Variants in KLK9 observed in about 807,000 individuals in gnomAD.
The protein encoded by KLK9 is kallikrein-9.
In KLK9, 26 loss-of-function variants were observed where a neutral mutation model predicts 23.3. That is an observed-to-expected ratio of 1.12 (90% CI 0.82 to 1.55). The LOEUF (loss-of-function observed/expected upper bound fraction) is 1.55, where lower values mean the gene tolerates loss of function less well. KLK9 is among the 40% of genes most tolerant of loss of function. The pLI is 0.00. For synonymous variants in KLK9, 122 were observed against 128.5 expected (o/e 0.95, Z 0.34); for missense variants, 346 against 333.7 (o/e 1.04, Z -0.29).
At chr19:51,007,112 G>T (rs1434432330) in intron 2 of KLK9, among the ~76,000 whole-genome samples, 1 of 151,914 alleles carries the variant, frequency 6.6e-6, no homozygotes, top group African/African-American at 2.4e-5. Context: ...TGCCCCCACA[G>T]GTCTGGTGGC....
In KLK9 at chr19:51,006,420, G is replaced by C; in HGVS notation, c.466+38C>G. 1 of 1,545,218 alleles carries C rather than the reference G, an allele frequency of 6.5e-7. No homozygotes were observed. The highest frequency in any genetic ancestry group is 1.4e-5 in the African/African-American group (1 of 73,310). On this transcript the variant is annotated intron_variant, in intron 3 of 4. Transcript: ENST00000594211. This position sits in a 1 kb window ranked among gnomAD's most constrained non-coding sequence, Gnocchi z 4.1. ...GAAAAGGCAGAGACAGAGGGGTGAG[G>C]GAGCAAGTTTCAGAGAGAGTTCTGG...
At position 51,002,643 on chromosome 19, in the gene KLK9, G is replaced by T. The variant is rs1402492653; in HGVS notation, c.*468C>A. On this transcript the variant is annotated 3_prime_UTR_variant, in exon 5 of 5. Transcript: ENST00000594211. ...CACACGCCCAGGACGGGGCCACAAG[G>T]GGCTGAGCTCTACACCGCCCGAGCT... The T allele has an allele frequency of 6.5e-6, 1 of 153,500 alleles. No homozygotes were observed. The highest frequency in any genetic ancestry group is 6.6e-5 in the Admixed American group (1 of 15,164). The allele number at this position is 153,500 out of a possible 1,614,324, so 9.5% of individuals were successfully genotyped here.
chr19:51,004,338 C>CAAAAAAAAAAAAAAAA (rs71333922), intron 3 of KLK9, among the ~76,000 whole-genome samples: 1 of 32,558 alleles, frequency 3.1e-5, no homozygotes, highest in Non-Finnish European at 5.6e-5. Context: ...GACTCCGTCT[C>CAAAAAAAAAAAAAAAA]AAAAAAAAAA....
chr19:51,008,537 TAA>T (rs1446180695), intron 2 of KLK9, among the ~76,000 whole-genome samples: 2 of 152,116 alleles, frequency 1.3e-5, no homozygotes, highest in Non-Finnish European at 2.9e-5. Flanking sequence ...GCTCTGAATT[TAA>T]GATTCTAGGA....
chr19:51,004,913 C>T (rs1485647514), intron 3 of KLK9, among the ~76,000 whole-genome samples: 2 of 151,936 alleles, frequency 1.3e-5, no homozygotes, highest in African/African-American at 2.4e-5. Flanking sequence ...GTGCAGGCTC[C>T]GATGCATCAA....
In KLK9 at chr19:51,003,219, T is replaced by C. The variant is rs764434891; in HGVS notation, c.645A>G (p.Ala215=). Residue 215 remains alanine, a synonymous_variant, in exon 5 of 5, where the codon GCA becomes GCG. Coordinates refer to ENST00000594211, the MANE Select transcript of KLK9 (RefSeq NM_012315.2). ...GGPLVCNGTL[A]GVVSGGAEPC... is the part of the protein sequence containing the mutation. ...GCTCAGCACCCCCAGACACCACGCC[T>C]GCCAAGGTTCCATTGCAAACCAGGG... The C allele has an allele frequency of 6.2e-7, 1 of 1,612,918 alleles. No individual in the cohort carries two copies. The highest frequency in any genetic ancestry group is 8.5e-7 in the Non-Finnish European group (1 of 1,179,666).
intron 3 of KLK9, among the ~76,000 whole-genome samples, chr19:51,004,674 C>T (rs2091248979): frequency 6.7e-6 from 1 of 149,042 alleles, no homozygotes; most frequent in Non-Finnish European, 1.5e-5. Flanking sequence ...GCACTCCAGC[C>T]TGGGCAACAA....
At chr19:51,007,605 C>A (rs193095498) in intron 2 of KLK9, among the ~76,000 whole-genome samples, 12 of 151,968 alleles carry the variant, frequency 7.9e-5, no homozygotes, top group Non-Finnish European at 1.5e-4. Context: ...GCTTCACTTT[C>A]GGCTGAAATC....
rs886159548 is a variant in KLK9 at position 51,009,499 on chromosome 19, C to A, written c.43+6G>T. 1.9e-6 allele frequency: 3 copies of A among 1,607,594 alleles called. No individual in the cohort carries two copies. Among genetic ancestry groups the A allele is most frequent in the African/African-American group, 2.7e-5 (2 of 74,768 alleles). On this transcript the variant is annotated splice_donor_region_variant and intron_variant, in intron 1 of 4. Transcript: ENST00000594211. This position sits in a 1 kb window ranked among gnomAD's most constrained non-coding sequence, Gnocchi z 4.8. ...CGTGAAGGGGCAGCCAGCCTGGGAG[C>A]CTCACCTGCCAGCAGAGAGAGCAGA...
intron 3 of KLK9, among the ~76,000 whole-genome samples, chr19:51,004,651 A>T (rs1227917477): frequency 1.3e-5 from 2 of 149,916 alleles, no homozygotes; most frequent in Non-Finnish European, 3.0e-5. Context: ...CAGTGAGCCG[A>T]GATCACACCA....
chr19:51,004,931 GA>G (rs1052175127), intron 3 of KLK9, among the ~76,000 whole-genome samples: 47 of 152,296 alleles, frequency 3.1e-4, no homozygotes, highest in African/African-American at 9.6e-4. Flanking sequence ...CAAGGGATAT[GA>G]TAAACAGAAT....
intron 3 of KLK9, among the ~76,000 whole-genome samples, chr19:51,005,502 A>T (rs1386798745): frequency 6.6e-6 from 1 of 152,158 alleles, no homozygotes; most frequent in African/African-American, 2.4e-5. Context: ...TTATTCATGG[A>T]GGGAAGAAAA....
At position 51,009,319 on chromosome 19, in the gene KLK9, G is replaced by T. The variant is rs114957460; in HGVS notation, c.64C>A (p.Arg22Ser). Residue 22 changes from arginine (R) to serine (S), a missense_variant, in exon 2 of 5, where the codon CGT (arginine) becomes AGT (serine). Arg to Ser is a moderately radical substitution (Grantham distance 110, BLOSUM62 -1). Coordinates refer to ENST00000594211, the MANE Select transcript of KLK9 (RefSeq NM_012315.2). The surrounding 1 kb of genome is among the most constrained non-coding windows in gnomAD (Gnocchi z 4.8). ...LLAGHGWADT[R>S]AIGAEECRPN... Reference sequence around the variant, plus strand: ...CGACATTCCTCGGCCCCGATGGCACGGGTGTCTGCCCAGCCATGCCCTGGG... The same window carrying T: ...CGACATTCCTCGGCCCCGATGGCACTGGTGTCTGCCCAGCCATGCCCTGGG... 1 of 1,590,134 alleles carries T rather than the reference G, an allele frequency of 6.3e-7. No homozygotes were observed. Among genetic ancestry groups the T allele is most frequent in the Non-Finnish European group, 8.6e-7 (1 of 1,168,208 alleles).
In KLK9 at chr19:51,006,452, T is replaced by C; in HGVS notation, c.466+6A>G. On this transcript the variant is annotated splice_donor_region_variant and intron_variant, in intron 3 of 4. Transcript: ENST00000594211. The surrounding 1 kb of genome is among the most constrained non-coding windows in gnomAD (Gnocchi z 4.1). ...GTTTCAGAGAGAGTTCTGGGCCAGG[T>C]CATACCCTTGGGGCTGGACACGGCC... is the stretch of plus-strand genomic sequence containing the variant. The C allele has an allele frequency of 1.2e-6, 2 of 1,605,460 alleles. No homozygotes were observed. Among genetic ancestry groups the C allele is most frequent in the Non-Finnish European group, 1.7e-6 (2 of 1,175,364 alleles).
Position 51,002,778 on chromosome 19 carries a change from G to C in KLK9, c.*333C>G. 4.3e-6 allele frequency: 1 copy of C among 230,592 alleles called. No homozygotes were observed. The highest frequency in any genetic ancestry group is 8.4e-6 in the Non-Finnish European group (1 of 118,898). The allele number at this position is 230,592 out of a possible 1,614,324, so 14.3% of individuals were successfully genotyped here. A position where few individuals can be genotyped will look rare whatever the true frequency, so the allele number is the denominator to read the frequency against. ...CCGAGGGGAAGTCCCACTGGGCAAA[G>C]TTCCGAGGGGCGGAGCTATTTTGTG... On this transcript the variant is annotated 3_prime_UTR_variant, in exon 5 of 5. Coordinates refer to ENST00000594211, the MANE Select transcript of KLK9 (RefSeq NM_012315.2).
At position 51,003,803 on chromosome 19, in the gene KLK9, G is replaced by A; in HGVS notation, c.504C>T (p.Ser168=). The A allele has an allele frequency of 1.2e-6, 2 of 1,613,800 alleles. No individual in the cohort carries two copies. The highest frequency in any genetic ancestry group is 1.7e-6 in the Non-Finnish European group (2 of 1,179,674). ...FPVTLQCANI[S]ILENKLCHWA... is the part of the protein sequence containing the mutation. ...AGTGACAGAGTTTGTTCTCCAGGAT[G>A]CTGATGTTGGCACACTGCAGTGTGA... Residue 168 remains serine, a synonymous_variant, in exon 4 of 5, where the codon AGC becomes AGT. Coordinates refer to ENST00000594211, the MANE Select transcript of KLK9 (RefSeq NM_012315.2).
Position 51,006,394 on chromosome 19 carries a change from T to G in KLK9, c.466+64A>C. 3 of 1,421,712 alleles carry G rather than the reference T, an allele frequency of 2.1e-6. No individual in the cohort carries two copies. The highest frequency in any genetic ancestry group is 2.8e-6 in the Non-Finnish European group (3 of 1,060,314). 88.1% of individuals were successfully genotyped at this position (1,421,712 alleles called of 1,614,324 possible). The stretch of plus-strand genomic sequence containing the variant: ...GAGAGAGAAAAGGAGAAGACAGAGA[T>G]GAAAAGGCAGAGACAGAGGGGTGAG... On this transcript the variant is annotated intron_variant, in intron 3 of 4. Coordinates refer to ENST00000594211, the MANE Select transcript of KLK9 (RefSeq NM_012315.2). The surrounding 1 kb of genome is among the most constrained non-coding windows in gnomAD (Gnocchi z 4.1).
At position 51,009,067 on chromosome 19, in the gene KLK9, G is replaced by T; in HGVS notation, c.200+116C>A. 1 of 1,182,762 alleles carries T rather than the reference G, an allele frequency of 8.5e-7. No individual in the cohort carries two copies. The highest frequency in any genetic ancestry group is 1.2e-6 in the Non-Finnish European group (1 of 866,246). The allele number at this position is 1,182,762 out of a possible 1,614,324, so 73.3% of individuals were successfully genotyped here. On this transcript the variant is annotated intron_variant, in intron 2 of 4. Transcript: ENST00000594211. The surrounding 1 kb of genome is among the most constrained non-coding windows in gnomAD (Gnocchi z 4.8). ...GAGGCTACCCTTCCTACTTCTAAGA[G>T]TTGAACTTGTGGTATCAGAAGTGGA...
At chr19:51,008,681 C>T (rs1204185276) in intron 2 of KLK9, among the ~76,000 whole-genome samples, 3 of 152,118 alleles carry the variant, frequency 2.0e-5, no homozygotes, top group Non-Finnish European at 4.4e-5. Context: ...ATCGTTCATA[C>T]GTATTTAAAA....
Sources: gnomAD v4.1 joint callset for allele counts (sites outside exome capture counted in the v4.1 genomes callset) on GRCh38, gnomAD v4.1.1 for gene constraint, Gnocchi (gnomAD v3.1) non-coding constraint, MANE v1.5 for transcripts, NCBI Gene and HGNC (gene_info 2026-07-23, HGNC 2026-07-21) for gene names.